Variants in CD2AP observed in about 807,000 individuals in gnomAD.
CD2AP encodes the protein CD2 associated protein, also known as CD2-associated protein.
Under a neutral mutation model 85.1 loss-of-function variants are expected in CD2AP, and 46 were observed. The ratio of observed to expected loss-of-function variants is 0.54; its 90% confidence interval spans 0.43 to 0.69. CD2AP has a LOEUF of 0.69. Among genes scored for constraint, CD2AP ranks in the 30% least tolerant of loss-of-function variants. The probability of loss-of-function intolerance (pLI) is 0.00; values close to 1 mark genes in which losing one functional copy is unlikely to be tolerated. For synonymous variants in CD2AP, 255 were observed against 252.9 expected (o/e 1.01, Z -0.08); for missense variants, 769 against 729.5 (o/e 1.05, Z -0.62).
At chr6:47,512,703 A>C (rs977375062) in intron 2 of CD2AP, among the ~76,000 whole-genome samples, 4 of 152,238 alleles carry the variant, frequency 2.6e-5, no homozygotes, top group Non-Finnish European at 5.9e-5. Context: ...ATCTTGCTTA[A>C]GTGTTACTTT....
chr6:47,503,245 G>A, intron 1 of CD2AP, 35 bp from the exon 2 acceptor site: 1 of 1,592,264 alleles, frequency 6.3e-7, no homozygotes, highest in East Asian at 2.2e-5. Flanking sequence ...TTGTGAATTA[G>A]ATTTTAGACA....
intron 8 of CD2AP, among the ~76,000 whole-genome samples, chr6:47,578,924 T>C (rs553986628): frequency 6.6e-6 from 1 of 152,224 alleles, no homozygotes; most frequent in African/African-American, 2.4e-5. Flanking sequence ...CCTAAAATGC[T>C]GGGATTACAG....
At chr6:47,616,325 C>G (rs977653542) in intron 17 of CD2AP, among the ~76,000 whole-genome samples, 4 of 150,714 alleles carry the variant, frequency 2.7e-5, no homozygotes, top group Admixed American at 2.6e-4. Flanking sequence ...AACTCCTGAC[C>G]TCAGGTGATC....
At chr6:47,606,485 G>T (rs2114145943) in intron 14 of CD2AP, among the ~76,000 whole-genome samples, 1 of 152,078 alleles carries the variant, frequency 6.6e-6, no homozygotes, top group East Asian at 1.9e-4. Flanking sequence ...AGAATCAGAA[G>T]GAAATTATCA....
At chr6:47,505,842 GC>G (rs1291622696) in intron 2 of CD2AP, among the ~76,000 whole-genome samples, 2 of 122,736 alleles carry the variant, frequency 1.6e-5, no homozygotes, top group East Asian at 2.4e-4. Flanking sequence ...GGCTGTCCGG[GC>G]GGGGGGGCTG....
Position 47,478,138 on chromosome 6 carries a change from C to G in CD2AP, c.-107C>G. 2 of 1,412,954 alleles carry G rather than the reference C, an allele frequency of 1.4e-6. No individual in the cohort carries two copies. The highest frequency in any genetic ancestry group is 9.8e-7 in the Non-Finnish European group (1 of 1,023,818). The allele number at this position is 1,412,954 out of a possible 1,614,324, so 87.5% of individuals were successfully genotyped here. A position where few individuals can be genotyped will look rare whatever the true frequency, so the allele number is the denominator to read the frequency against. ...CCCGCCTGAGCTCAGGAGGGGCTAGCGCGGAGCGCGGGTCCCGCCTCCAGC... is the reference window on the plus strand; with the variant it reads ...CCCGCCTGAGCTCAGGAGGGGCTAGGGCGGAGCGCGGGTCCCGCCTCCAGC... On this transcript the variant is annotated 5_prime_UTR_variant, in exon 1 of 18. Transcript: ENST00000359314.
At chr6:47,536,562 T>A (rs1026807716) in intron 3 of CD2AP, among the ~76,000 whole-genome samples, 9 of 152,210 alleles carry the variant, frequency 5.9e-5, no homozygotes, top group Admixed American at 5.2e-4. Flanking sequence ...TATTCTTCTC[T>A]AGTCTCCAGT....
chr6:47,608,934 A>G (rs1157510245), intron 15 of CD2AP, among the ~76,000 whole-genome samples, 189 bp from the exon 16 acceptor site: 1 of 152,154 alleles, frequency 6.6e-6, no homozygotes, highest in African/African-American at 2.4e-5. Flanking sequence ...TACAAAAACC[A>G]CTAATGATTA....
At chr6:47,564,630 A>AT (rs956772173) in intron 5 of CD2AP, among the ~76,000 whole-genome samples, 94 of 151,276 alleles carry the variant, frequency 6.2e-4, no homozygotes, top group African/African-American at 2.2e-3. Flanking sequence ...GTACACTATA[A>AT]TTTTTTTTTC....
At chr6:47,582,308 T>C (rs1768502246) in intron 11 of CD2AP, 1 of 361,284 alleles carries the variant, frequency 2.8e-6, no homozygotes, top group East Asian at 5.0e-5. Context: ...TCACAGACTG[T>C]ATAAGAAAAC....
chr6:47,577,949 G>A (rs1768356954), intron 8 of CD2AP, among the ~76,000 whole-genome samples: 1 of 152,036 alleles, frequency 6.6e-6, no homozygotes, highest in African/African-American at 2.4e-5. Flanking sequence ...AAGTTTTATT[G>A]TGTAAAGTAT....
intron 1 of CD2AP, among the ~76,000 whole-genome samples, chr6:47,488,160 C>T (rs1765615558): frequency 6.6e-6 from 1 of 151,480 alleles, no homozygotes; most frequent in African/African-American, 2.4e-5. Flanking sequence ...TGCTGATTAC[C>T]TACTCCGTGT....
At chr6:47,582,136 C>A in intron 11 of CD2AP, 71 bp downstream of exon 11, 2 of 971,120 alleles carry the variant, frequency 2.1e-6, no homozygotes, top group Admixed American at 1.7e-5. Context: ...AATTATTTCT[C>A]CACACTGAGT....
intron 2 of CD2AP, among the ~76,000 whole-genome samples, chr6:47,504,246 T>G (rs541262645): frequency 5.9e-4 from 90 of 152,364 alleles, no homozygotes; most frequent in Non-Finnish European, 1.1e-3. Flanking sequence ...CTGGCCTCAT[T>G]AGATTATGAG....
intron 5 of CD2AP, 45 bp downstream of exon 5, chr6:47,554,811 T>C (rs200023127): frequency 1.3e-6 from 2 of 1,491,988 alleles, no homozygotes; most frequent in African/African-American, 1.4e-5. Flanking sequence ...ATAAACTTTA[T>C]ATAGCATCTA....
intron 1 of CD2AP, among the ~76,000 whole-genome samples, chr6:47,497,704 A>G (rs572573081): frequency 5.3e-5 from 8 of 152,262 alleles, no homozygotes; most frequent in South Asian, 2.1e-4. Context: ...GTGAGCTGCA[A>G]CTGCACCCGG....
At chr6:47,618,121 C>A (rs928526921) in intron 17 of CD2AP, among the ~76,000 whole-genome samples, 1 of 152,132 alleles carries the variant, frequency 6.6e-6, no homozygotes, top group Non-Finnish European at 1.5e-5. Flanking sequence ...GAGTTCAAGA[C>A]CAGCCTGGCC....
intron 3 of CD2AP, among the ~76,000 whole-genome samples, chr6:47,542,259 G>C (rs1392417862): frequency 6.6e-6 from 1 of 152,046 alleles, no homozygotes; most frequent in Non-Finnish European, 1.5e-5. Context: ...AAATTATTAA[G>C]AAAAATCTTG....
Position 47,606,267 on chromosome 6 carries a change from G to A in CD2AP, c.1520G>A (p.Gly507Asp), listed in dbSNP as rs1312073805. The change falls in exon 14 of 18, where the codon GGT becomes GAT. Residue 507 changes from glycine (G) to aspartate (D), a missense_variant. By Grantham distance (94) the Gly-to-Asp change is moderately conservative. Transcript: ENST00000359314. ...PGRRLPGRFNGGHSPTHSPEK... is the reference protein window; with the variant it reads ...PGRRLPGRFNDGHSPTHSPEK... ...AGAAGGTTGCCGGGCCGTTTCAATGGTGGACATTCTGTGAGTTCATCTAAT... is the reference window on the plus strand; with the variant it reads ...AGAAGGTTGCCGGGCCGTTTCAATGATGGACATTCTGTGAGTTCATCTAAT... 2 of 1,583,036 alleles carry A rather than the reference G, an allele frequency of 1.3e-6. No individual in the cohort carries two copies. The highest frequency in any genetic ancestry group is 1.7e-6 in the Non-Finnish European group (2 of 1,151,938).
Sources: allele counts gnomAD v4.1 joint callset (sites outside exome capture counted in the v4.1 genomes callset), GRCh38; gene constraint gnomAD v4.1.1; transcripts MANE v1.5; gene names NCBI Gene and HGNC (gene_info 2026-07-23, HGNC 2026-07-21).